Variants in PCDHGA4 observed in about 807,000 individuals in gnomAD.
PCDHGA4 encodes protocadherin gamma subfamily A, 4.
Under a neutral mutation model 54.6 loss-of-function variants are expected in PCDHGA4, and 38 were observed. The ratio of observed to expected loss-of-function variants is 0.70; its 90% CI spans 0.54 to 0.91. PCDHGA4 has a LOEUF of 0.91. PCDHGA4 is among the 40% of genes least tolerant of loss of function. The pLI is 0.00. For synonymous variants in PCDHGA4, 511 were observed against 512.9 expected, an observed-to-expected ratio of 1.00 and a Z score of 0.05; for missense variants, 1,298 against 1,220.9, an observed-to-expected ratio of 1.06 and a Z score of -0.94.
intron 1 of PCDHGA4, among the ~76,000 whole-genome samples, chr5:141,434,831 A>T (rs1328843764): frequency 6.6e-6 from 1 of 151,904 alleles, no homozygotes; most frequent in East Asian, 1.9e-4. Flanking sequence ...TACACTTGGC[A>T]TTTATAAAGC....
At chr5:141,445,890 T>A (rs1435563284) in intron 1 of PCDHGA4, among the ~76,000 whole-genome samples, 1 of 152,210 alleles carries the variant, frequency 6.6e-6, no homozygotes, top group Non-Finnish European at 1.5e-5. Flanking sequence ...ACTTAGGAGC[T>A]ATTAAAATAT....
Position 141,432,473 on chromosome 5 carries a change from T to G in PCDHGA4, c.2515-62334T>G. On this transcript the variant is annotated intron_variant, in intron 1 of 3. Coordinates refer to ENST00000571252, the MANE Select transcript of PCDHGA4 (RefSeq NM_018917.4). The surrounding 1 kb of genome is among the most constrained non-coding windows in gnomAD (Gnocchi z 6.0). ...GTACCCCGCCCTCCCCACGGACGGT[T>G]CCACTGGCGTGGAGCTGGCTCCCCG... 1 of 1,614,180 alleles carries G rather than the reference T, an allele frequency of 6.2e-7. No individual in the cohort carries two copies. The highest frequency in any genetic ancestry group is 1.1e-5 in the South Asian group (1 of 91,078).
intron 1 of PCDHGA4, chr5:141,423,483 A>G (rs767321755): frequency 1.9e-6 from 3 of 1,613,974 alleles, no homozygotes; most frequent in Middle Eastern, 3.3e-4. Flanking sequence ...CTTTCCTGCA[A>G]ACCTATTCCC....
intron 3 of PCDHGA4, among the ~76,000 whole-genome samples, chr5:141,509,347 C>A (rs755234053): frequency 2.6e-5 from 4 of 152,142 alleles, no homozygotes; most frequent in Non-Finnish European, 5.9e-5. Context: ...CCTGGGCTGG[C>A]CTGGGCATCC....
Position 141,431,915 on chromosome 5 carries a change from A to G in PCDHGA4, c.2515-62892A>G. 1 of 1,614,040 alleles carries G rather than the reference A, an allele frequency of 6.2e-7. No homozygotes were observed. The highest frequency in any genetic ancestry group is 8.5e-7 in the Non-Finnish European group (1 of 1,179,854). On this transcript the variant is annotated intron_variant, in intron 1 of 3. Coordinates refer to ENST00000571252, the MANE Select transcript of PCDHGA4 (RefSeq NM_018917.4). The surrounding 1 kb of genome is among the most constrained non-coding windows in gnomAD (Gnocchi z 4.8). ...GGAAAACGGACAGGTGATCTGTTTC[A>G]TCCAAGGAAATCTGCCCTTTAAATT...
intron 1 of PCDHGA4, chr5:141,410,366 G>T: frequency 6.2e-7 from 1 of 1,613,774 alleles, no homozygotes; most frequent in Non-Finnish European, 8.5e-7. Flanking sequence ...TCTCAGCCCT[G>T]CTACTTGGGA....
At chr5:141,365,653 A>G in intron 1 of PCDHGA4, 4 of 1,613,620 alleles carry the variant, frequency 2.5e-6, no homozygotes, top group Non-Finnish European at 3.4e-6. Context: ...TCCCCTTGAA[A>G]GTAGCAGACG....
intron 1 of PCDHGA4, among the ~76,000 whole-genome samples, chr5:141,451,429 G>A (rs577699188): frequency 1.3e-3 from 195 of 152,306 alleles, no homozygotes; most frequent in African/African-American, 4.5e-3. Flanking sequence ...TAGACTAAGG[G>A]TTCCAGTTCC....
At chr5:141,414,829 T>C (rs746789783) in intron 1 of PCDHGA4, 18 of 1,614,078 alleles carry the variant, frequency 1.1e-5, no homozygotes, top group Non-Finnish European at 1.5e-5. Context: ...CAACGTGTCG[T>C]TGAGCCTGTT....
chr5:141,369,822 T>C (rs550233059), intron 1 of PCDHGA4, among the ~76,000 whole-genome samples: 1 of 152,318 alleles, frequency 6.6e-6, no homozygotes, highest in Non-Finnish European at 1.5e-5. Context: ...ATAGCTTCCA[T>C]TTGTATGATT....
intron 1 of PCDHGA4, chr5:141,395,652 A>C (rs2093296938): frequency 6.0e-6 from 1 of 165,528 alleles, no homozygotes; most frequent in Admixed American, 6.1e-5. Context: ...TTAGCTTAGC[A>C]AAAGTAAAAT....
intron 1 of PCDHGA4, among the ~76,000 whole-genome samples, chr5:141,425,689 A>C (rs887583603): frequency 6.6e-6 from 1 of 152,232 alleles, no homozygotes; most frequent in African/African-American, 2.4e-5. Flanking sequence ...ACTGCATATC[A>C]TTTCATAGTG....
intron 1 of PCDHGA4, chr5:141,405,646 T>G: frequency 1.9e-6 from 1 of 526,208 alleles, no homozygotes; most frequent in East Asian, 3.2e-5. Flanking sequence ...GGCTAATTTT[T>G]TGTGTGTTTT....
intron 1 of PCDHGA4, chr5:141,413,515 G>C: frequency 6.2e-7 from 1 of 1,613,984 alleles, no homozygotes; most frequent in Non-Finnish European, 8.5e-7. Context: ...TAATATCCTT[G>C]TGGAAGACAG....
chr5:141,371,347 G>A (rs755497433), intron 1 of PCDHGA4: 1 of 1,613,960 alleles, frequency 6.2e-7, no homozygotes, highest in Non-Finnish European at 8.5e-7. Flanking sequence ...TACACAATTG[G>A]GGTGGAAGCA....
In PCDHGA4 at chr5:141,357,297, T is replaced by C; in HGVS notation, c.2190T>C (p.Ala730=). 3.1e-6 allele frequency: 5 copies of C among 1,614,044 alleles called. No individual in the cohort carries two copies. Among genetic ancestry groups the C allele is most frequent in the Non-Finnish European group, 4.2e-6 (5 of 1,179,894 alleles). ...TCTATCTCGTGGTGGCAGTGGCCGC[T>C]GTCTCCTGCGTCTTCCTGGCTTTTG... is the stretch of plus-strand genomic sequence containing the variant. The part of the protein sequence containing the change: ...LTLYLVVAVA[A]VSCVFLAFVT... Residue 730 remains alanine, a synonymous_variant, in exon 1 of 4, where the codon GCT becomes GCC. Coordinates refer to ENST00000571252, the MANE Select transcript of PCDHGA4 (RefSeq NM_018917.4).
chr5:141,394,475 C>T (rs1205262995), intron 1 of PCDHGA4: 1 of 1,614,242 alleles, frequency 6.2e-7, no homozygotes, highest in South Asian at 1.1e-5. Context: ...TCGTGCTGGA[C>T]CAGAATGACA....
At position 141,384,387 on chromosome 5, in the gene PCDHGA4, C is replaced by T. The variant is rs774707320; in HGVS notation, c.2514+26766C>T. The T allele has an allele frequency of 3.1e-6, 5 of 1,613,950 alleles. No homozygotes were observed. The South Asian group carries it at 5.5e-5, about 18-fold the overall frequency. On this transcript the variant is annotated intron_variant, in intron 1 of 3. Transcript: ENST00000571252. ...CTTATTCCTTGGCCGAAGACACCATCCAGGGGGCTCCAGTGTCCTCCTATG... is the reference window on the plus strand; with the variant it reads ...CTTATTCCTTGGCCGAAGACACCATTCAGGGGGCTCCAGTGTCCTCCTATG...
At chr5:141,417,648 T>A in intron 1 of PCDHGA4, 5 of 818,672 alleles carry the variant, frequency 6.1e-6, no homozygotes, top group Non-Finnish European at 9.1e-6. Flanking sequence ...TCCCTCAGCC[T>A]CTAGCCTGGG....
Sources: gnomAD v4.1 joint callset for allele counts (sites outside exome capture counted in the v4.1 genomes callset) on GRCh38, gnomAD v4.1.1 for gene constraint, Gnocchi (gnomAD v3.1) non-coding constraint, MANE v1.5 for transcripts, NCBI Gene and HGNC (gene_info 2026-07-23, HGNC 2026-07-21) for gene names.